The following TNC variants were observed in gnomAD, a reference collection of about 807,000 sequenced individuals.
The protein encoded by TNC is tenascin C.
A neutral mutation model predicts 202.4 loss-of-function variants in TNC; 109 were observed. The observed-to-expected ratio is 0.54, with a 90% confidence interval of 0.46 to 0.63. The LOEUF (loss-of-function observed/expected upper bound fraction) is 0.63. Among genes scored for constraint, TNC ranks in the 30% least tolerant of loss-of-function variants. TNC has a pLI of 0.00. For missense variants in TNC, 2,756 were observed against 2,833.3 expected (o/e 0.97, Z 0.62); for synonymous variants, 1,007 against 1,089.7 (o/e 0.92, Z 1.50).
Position 115,090,581 on chromosome 9 carries a change from G to A in TNC, c.438C>T (p.Cys146=). Residue 146 remains cysteine, a synonymous_variant, in exon 2 of 28, where the codon TGC becomes TGT. Transcript: ENST00000350763. Reference sequence around the variant, plus strand: ...TCATACCTGTGGCAGGCTGGAGACAGCAGCCTGCTCCTGCAGTACATTGCT... The same window carrying A: ...TCATACCTGTGGCAGGCTGGAGACAACAGCCTGCTCCTGCAGTACATTGCT... ...LREQCTAGAG[C]CLQPATGRLD... is the part of the protein sequence containing the mutation. 6.3e-7 allele frequency: 1 copy of A among 1,578,474 alleles called. No individual in the cohort carries two copies. The highest frequency in any genetic ancestry group is 8.6e-7 in the Non-Finnish European group (1 of 1,160,958).
chr9:115,021,707 A>G (rs990461993), intron 27 of TNC, among the ~76,000 whole-genome samples: 5 of 152,206 alleles, frequency 3.3e-5, no homozygotes, highest in African/African-American at 1.2e-4. Flanking sequence ...GGGGTTTGGT[A>G]TGGAATAGCA....
At chr9:115,030,462 T>G in intron 23 of TNC, 57 bp from the exon 24 acceptor site, 3 of 1,539,950 alleles carry the variant, frequency 1.9e-6, no homozygotes, top group Non-Finnish European at 2.7e-6. Flanking sequence ...AGCTGGAGCT[T>G]AATTCTTAGC....
intron 14 of TNC, among the ~76,000 whole-genome samples, chr9:115,058,783 G>C (rs967074074): frequency 6.6e-6 from 1 of 152,186 alleles, no homozygotes; most frequent in Non-Finnish European, 1.5e-5. Flanking sequence ...AGTCTCTACC[G>C]AGCTTCAAAC....
chr9:115,063,027 AG>A lies in TNC; in HGVS notation c.3922del (p.Leu1308CysfsTer33), dbSNP rs775382986. ...GAGGCCTGGGATTTCCATGGAACGC[AG>A]GCTGCCAGGAACCGTGAGATTGTGA... Reference protein sequence around the residue: ...EAHNLTVPGSLRSMEIPGLRA... With the variant: ...EAHNLTVPGSXRSMEIPGLRA... On this transcript the variant is annotated frameshift_variant, in exon 13 of 28. Transcript: ENST00000350763. LOFTEE classifies it high-confidence loss of function. The A allele has an allele frequency of 6.2e-7, 1 of 1,614,104 alleles. No homozygotes were observed. The highest frequency in any genetic ancestry group is 8.5e-7 in the Non-Finnish European group (1 of 1,180,018).
In TNC at chr9:115,111,160, C is replaced by T. The variant is rs115672078; in HGVS notation, c.-137+6822G>A. ...TGAACTTGTCATTGATAAGAGGTTG[C>T]CAGAAATTGGTGACACTGGAGTGCT... On this transcript the variant is annotated intron_variant, in intron 1 of 27. Transcript: ENST00000350763. Among the ~76,000 whole-genome samples, 360 of 152,146 alleles carry T rather than the reference C, an allele frequency of 2.4e-3. 4 individuals are homozygous for T. The highest frequency in any genetic ancestry group is 8.1e-3 in the African/African-American group (337 of 41,524).
At chr9:115,085,215 C>T (rs1415772023) in intron 3 of TNC, among the ~76,000 whole-genome samples, 1 of 152,114 alleles carries the variant, frequency 6.6e-6, no homozygotes, top group South Asian at 2.1e-4. Context: ...AGAAATAGTG[C>T]CCTTTTAAGG....
At position 115,086,938 on chromosome 9, in the gene TNC, C is replaced by G. The variant is rs1192656604; in HGVS notation, c.793G>C (p.Asp265His). ...PCSEEHGTCVDGLCVCHDGFA... is the reference protein window; with the variant it reads ...PCSEEHGTCVHGLCVCHDGFA... ...CCATCGTGGCACACACACAAGCCAT[C>G]TACACATGTGCCGTGCTCCTCACTG... The change falls in exon 3 of 28, where the codon GAT (aspartate) becomes CAT (histidine). Residue 265 changes from aspartate to histidine, a missense_variant. Around this residue, in one of 2 missense-constraint regions of TNC, gnomAD observed 2,559 missense variants for 2,546.0 expected, o/e 1.01. Transcript: ENST00000350763. 6.2e-7 allele frequency: 1 copy of G among 1,614,094 alleles called. No homozygotes were observed. Among genetic ancestry groups the G allele is most frequent in the Non-Finnish European group, 8.5e-7 (1 of 1,180,056 alleles).
At chr9:115,057,052 C>T (rs1203501904) in intron 15 of TNC, 101 bp downstream of exon 15, 7 of 1,401,168 alleles carry the variant, frequency 5.0e-6, no homozygotes, top group African/African-American at 1.4e-5. Context: ...AGAGTTAGTG[C>T]CCTGTGGCTT....
rs745550575 is a variant in TNC at position 115,081,781 on chromosome 9, T to C, written c.2395A>G (p.Thr799Ala). The C allele has an allele frequency of 1.9e-5, 30 of 1,613,902 alleles. No individual in the cohort carries two copies. In the Admixed American group the frequency reaches 2.2e-4, roughly 12 times the overall value. Residue 799 changes from threonine to alanine, a missense_variant, in exon 6 of 28, where the codon ACC becomes GCC. This residue lies in a region of TNC where 2,559 missense variants were observed against 2,546.0 expected (regional missense o/e 1.01). Coordinates refer to ENST00000350763, the MANE Select transcript of TNC (RefSeq NM_002160.4). ...TAAAGGTGATACTCACGTGTGGTGG[T>C]CACCCTCTTCAGGCCAGGGCCCCGG... ...NTRGPGLKRV[T>A]TTRLDAPSQI...
chr9:115,039,844 A>G (rs1830600786), intron 19 of TNC, among the ~76,000 whole-genome samples: 2 of 152,224 alleles, frequency 1.3e-5, no homozygotes, highest in African/African-American at 4.8e-5. Context: ...GCCGTGGAGA[A>G]TCCACTGATG....
intron 1 of TNC, among the ~76,000 whole-genome samples, chr9:115,115,405 T>A (rs983527716): frequency 6.6e-6 from 1 of 152,190 alleles, no homozygotes; most frequent in Non-Finnish European, 1.5e-5. Context: ...GTGTGAAACC[T>A]GGCTGTATCA....
At chr9:115,027,124 A>AC (rs1829562487) in intron 25 of TNC, among the ~76,000 whole-genome samples, 1 of 151,822 alleles carries the variant, frequency 6.6e-6, no homozygotes, top group Non-Finnish European at 1.5e-5. Flanking sequence ...GCAAAAAAAA[A>AC]AAAAAAAGGG....
Position 115,046,525 on chromosome 9 carries a change from G to A in TNC, c.5010C>T (p.Ala1670=). The A allele has an allele frequency of 3.1e-6, 5 of 1,614,080 alleles. No homozygotes were observed. Among genetic ancestry groups the A allele is most frequent in the Non-Finnish European group, 4.2e-6 (5 of 1,179,984 alleles). The change falls in exon 17 of 28, where the codon GCC becomes GCT. Residue 1670 remains alanine (A), a synonymous_variant. Coordinates refer to ENST00000350763, the MANE Select transcript of TNC (RefSeq NM_002160.4). ...QSEPLEITLL[A]PERTRDITGL... is the part of the protein sequence containing the mutation. The stretch of plus-strand genomic sequence containing the variant: ...CTGTTATGTCCCTGGTACGTTCGGG[G>A]GCAAGTAGGGTTATTTCCAGTGGCT...
chr9:115,100,164 G>A (rs1009232393), intron 1 of TNC, among the ~76,000 whole-genome samples: 9 of 152,150 alleles, frequency 5.9e-5, no homozygotes, highest in African/African-American at 1.9e-4. Context: ...TGTTCCTAAC[G>A]GGAAACATTT....
Position 115,084,315 on chromosome 9 carries a change from C to G in TNC, c.2025G>C (p.Thr675=). The G allele has an allele frequency of 6.2e-7, 1 of 1,614,160 alleles. No homozygotes were observed. The highest frequency in any genetic ancestry group is 1.1e-5 in the South Asian group (1 of 91,076). The change falls in exon 4 of 28, where the codon ACG becomes ACC. Residue 675 remains threonine, a synonymous_variant. Coordinates refer to ENST00000350763, the MANE Select transcript of TNC (RefSeq NM_002160.4). ...GCTCCAGCTCCTGGATGATGGTGGA[C>G]GTCTGGTCCCCAGGCACACGGAACT... The part of the protein sequence containing the change: ...EMQFRVPGDQ[T]STIIQELEPG...
In TNC at chr9:115,021,130, C is replaced by A; in HGVS notation, c.*27G>T. 6.4e-7 allele frequency: 1 copy of A among 1,566,332 alleles called. No homozygotes were observed. Among genetic ancestry groups the A allele is most frequent in the Non-Finnish European group, 8.8e-7 (1 of 1,137,454 alleles). ...TCCTTTCCTCGCTCTGGGCCTTATT[C>A]CTCTCTCACCCAGTGGTCCCTGGAA... On this transcript the variant is annotated 3_prime_UTR_variant, in exon 28 of 28. Transcript: ENST00000350763.
rs1478254800 is a variant in TNC, at chr9:115,038,329, G to C, written c.5444C>G (p.Ala1815Gly). The C allele has an allele frequency of 1.2e-6, 2 of 1,614,166 alleles. No individual in the cohort carries two copies. Among genetic ancestry groups the C allele is most frequent in the East Asian group, 2.2e-5 (1 of 44,882 alleles). ...LVTANITDSE[A>G]LARWQPAIAT... ...AATGGCTGGCTGCCACCTGGCCAAG[G>C]CTTCTGAGTCAGTGATGTTGGCTGT... is the stretch of plus-strand genomic sequence containing the variant. The change falls in exon 20 of 28, where the codon GCC becomes GGC. Residue 1815 changes from alanine to glycine, a missense_variant. Ala to Gly is a moderately conservative substitution (Grantham distance 60, BLOSUM62 0). Transcript: ENST00000350763.
At chr9:115,077,201 C>T (rs1258628770) in intron 7 of TNC, among the ~76,000 whole-genome samples, 1 of 152,232 alleles carries the variant, frequency 6.6e-6, no homozygotes, top group East Asian at 1.9e-4. Flanking sequence ...ACTACAGGCA[C>T]CCGCCACCAC....
chr9:115,098,322 A>G (rs548668759), intron 1 of TNC, among the ~76,000 whole-genome samples: 1 of 152,344 alleles, frequency 6.6e-6, no homozygotes, highest in East Asian at 1.9e-4. Context: ...AATTTTACAC[A>G]TTAAGCTGCC....
Sources: allele counts gnomAD v4.1 joint callset (sites outside exome capture counted in the v4.1 genomes callset), GRCh38; gene constraint gnomAD v4.1.1; regional missense constraint gnomAD v4.1.1; transcripts MANE v1.5; gene names NCBI Gene and HGNC (gene_info 2026-07-23, HGNC 2026-07-21).